Variants in ADAMTS2 observed in about 807,000 individuals in gnomAD.
ADAMTS2 encodes ADAM metallopeptidase with thrombospondin type 1 motif 2.
In ADAMTS2, 50 loss-of-function variants were observed where a neutral mutation model predicts 123.0. The ratio of observed to expected loss-of-function variants is 0.41; its 90% CI spans 0.32 to 0.51. The LOEUF is 0.51. ADAMTS2 is among the 20% of genes least tolerant of loss of function. ADAMTS2 has a pLI of 0.35. For missense variants in ADAMTS2, 1,494 were observed against 1,705.2 expected, an observed-to-expected ratio of 0.88 and a Z score of 2.18; for synonymous variants, 678 against 695.4, an observed-to-expected ratio of 0.98 and a Z score of 0.39.
chr5:179,269,596 A>G (rs1766472809), intron 3 of ADAMTS2, among the ~76,000 whole-genome samples: 1 of 152,156 alleles, frequency 6.6e-6, no homozygotes, highest in African/African-American at 2.4e-5. Context: ...CTCCCATAAC[A>G]CATGGGAATT....
chr5:179,335,213 TAA>T (rs59150133), intron 2 of ADAMTS2, among the ~76,000 whole-genome samples: 26 of 149,904 alleles, frequency 1.7e-4, no homozygotes, highest in African/African-American at 5.4e-4. Flanking sequence ...GCCATGTTTT[TAA>T]AAAAAAAAGA....
chr5:179,306,779 C>T (rs187012971), intron 2 of ADAMTS2, among the ~76,000 whole-genome samples: 2 of 152,256 alleles, frequency 1.3e-5, no homozygotes, highest in South Asian at 2.1e-4. Context: ...GTGCCAAGCC[C>T]GGTGCCAGCA....
At chr5:179,135,669 G>A (rs955227014) in intron 13 of ADAMTS2, among the ~76,000 whole-genome samples, 1 of 152,134 alleles carries the variant, frequency 6.6e-6, no homozygotes, top group Non-Finnish European at 1.5e-5. Context: ...GAATCAGGAC[G>A]TCTGAGGTGG....
At chr5:179,296,057 G>A (rs1390636523) in intron 2 of ADAMTS2, among the ~76,000 whole-genome samples, 2 of 152,206 alleles carry the variant, frequency 1.3e-5, no homozygotes, top group Non-Finnish European at 2.9e-5. Flanking sequence ...AGAGCCCAGG[G>A]GAAGAGCAAA....
intron 3 of ADAMTS2, among the ~76,000 whole-genome samples, chr5:179,231,454 G>A (rs1331157687): frequency 2.0e-5 from 3 of 152,184 alleles, no homozygotes; most frequent in South Asian, 2.1e-4. Flanking sequence ...GAAGGAAACC[G>A]TGGGAGAAGA....
At chr5:179,222,986 T>C (rs1765159701) in intron 3 of ADAMTS2, among the ~76,000 whole-genome samples, 1 of 152,188 alleles carries the variant, frequency 6.6e-6, no homozygotes, top group Non-Finnish European at 1.5e-5. Context: ...ACTTTCCTCC[T>C]GTTTGCAACA....
chr5:179,272,919 A>C lies in ADAMTS2; in HGVS notation c.680T>G (p.Leu227Arg), dbSNP rs1348732145. The change falls in exon 3 of 22, where the codon CTG becomes CGG. Residue 227 changes from leucine to arginine, a missense_variant. Physicochemically the swap from Leu to Arg is moderately radical, Grantham distance 102. Coordinates refer to ENST00000251582, the MANE Select transcript of ADAMTS2 (RefSeq NM_014244.5). The surrounding 1 kb of genome is among the most constrained non-coding windows in gnomAD (Gnocchi z 5.8). The part of the protein sequence containing the change: ...TSPPLGGPQA[L>R]DTGASLDSLD... ...ACCTGCAGTAGCCTCACCTGTGTCC[A>C]GGGCCTGTGGCCCCCCGAGAGGAGG... is the stretch of plus-strand genomic sequence containing the variant. The C allele has an allele frequency of 2.5e-6, 4 of 1,609,622 alleles. No individual in the cohort carries two copies. In the African/African-American group the frequency reaches 5.3e-5, roughly 21 times the overall value.
In ADAMTS2 at chr5:179,202,496, T is replaced by C. The variant is rs191689437; in HGVS notation, c.891+5017A>G. Among the ~76,000 whole-genome samples the C allele has an allele frequency of 2.6e-5, 4 of 152,276 alleles. No individual in the cohort carries two copies. Among genetic ancestry groups the C allele is most frequent in the Admixed American group, 1.3e-4 (2 of 15,294 alleles). On this transcript the variant is annotated intron_variant, in intron 4 of 21. Transcript: ENST00000251582. The surrounding 1 kb of genome is among the most constrained non-coding windows in gnomAD (Gnocchi z 4.0). Reference sequence around the variant, plus strand: ...TTGTCATTATTTGAAATGATCCTGTTTGTTTTTCACTTCAGTATCGTCTGT... The same window carrying C: ...TTGTCATTATTTGAAATGATCCTGTCTGTTTTTCACTTCAGTATCGTCTGT...
intron 3 of ADAMTS2, among the ~76,000 whole-genome samples, chr5:179,213,965 T>G (rs1237826711): frequency 6.6e-6 from 1 of 152,212 alleles, no homozygotes; most frequent in Non-Finnish European, 1.5e-5. Flanking sequence ...CTATTTGAAT[T>G]AATAGGAAAA....
intron 2 of ADAMTS2, among the ~76,000 whole-genome samples, chr5:179,329,433 A>G (rs547697946): frequency 2.0e-5 from 3 of 152,316 alleles, no homozygotes; most frequent in African/African-American, 7.2e-5. Flanking sequence ...GTCAAGAAGA[A>G]AGAGTGAATT....
rs559747126 is a variant in ADAMTS2, at chr5:179,333,023, G to A, written c.534+10744C>T. ...CTGTGAGGACCCCTCCCTACTGTGT[G>A]GCCTTGGGGATAGCCATGCGACGGC... On this transcript the variant is annotated intron_variant, in intron 2 of 21. Coordinates refer to ENST00000251582, the MANE Select transcript of ADAMTS2 (RefSeq NM_014244.5). Among the ~76,000 whole-genome samples, 4 of 152,284 alleles carry A rather than the reference G, an allele frequency of 2.6e-5. No homozygotes were observed. In the Middle Eastern group the frequency reaches 0.014, roughly 518 times the overall value.
intron 4 of ADAMTS2, among the ~76,000 whole-genome samples, chr5:179,182,571 G>T (rs537264419): frequency 1.5e-4 from 23 of 152,290 alleles, no homozygotes; most frequent in Non-Finnish European, 2.9e-4. Flanking sequence ...CCCGAGGCCC[G>T]CTGGCATCGG....
intron 2 of ADAMTS2, among the ~76,000 whole-genome samples, chr5:179,276,331 G>C (rs1766694836): frequency 1.3e-5 from 2 of 152,196 alleles, no homozygotes; most frequent in South Asian, 2.1e-4. Flanking sequence ...GAAGGCTGGT[G>C]CCTCAAATCC....
intron 2 of ADAMTS2, among the ~76,000 whole-genome samples, chr5:179,304,273 A>G (rs1459147480): frequency 6.6e-6 from 1 of 152,210 alleles, no homozygotes; most frequent in Admixed American, 6.5e-5. Context: ...CTCATAGGGT[A>G]ATATCAAAGT....
intron 3 of ADAMTS2, among the ~76,000 whole-genome samples, chr5:179,229,373 A>AGGTCAGTGGCATCCAGCCTTCC (rs1765357799): frequency 2.4e-5 from 1 of 42,240 alleles, no homozygotes; most frequent in African/African-American, 1.2e-4. Flanking sequence ...AGGTAATTCC[A>AGGTCAGTGGCATCCAGCCTTCC]CAAACACGAG....
intron 2 of ADAMTS2, among the ~76,000 whole-genome samples, chr5:179,278,248 G>A (rs573358437): frequency 2.0e-5 from 3 of 149,390 alleles, no homozygotes; most frequent in East Asian, 2.0e-4. Flanking sequence ...TGCTCGGGGC[G>A]GGGGGCACTT....
intron 4 of ADAMTS2, among the ~76,000 whole-genome samples, chr5:179,206,288 C>T (rs1764692066): frequency 6.6e-6 from 1 of 152,170 alleles, no homozygotes; most frequent in Non-Finnish European, 1.5e-5. Context: ...TCCCCTCCTG[C>T]CCCTGAGGTA....
rs1353929215 is a variant in ADAMTS2, at chr5:179,308,249, T to G, written c.535-35185A>C. On this transcript the variant is annotated intron_variant, in intron 2 of 21. Coordinates refer to ENST00000251582, the MANE Select transcript of ADAMTS2 (RefSeq NM_014244.5). This position sits in a 1 kb window ranked among gnomAD's most constrained non-coding sequence, Gnocchi z 6.6. Reference sequence around the variant, plus strand: ...GAGGTGGGAAGACAGGCGCTGAGAGTTGTCTGACACAATTGTCTTAGCAGC... The same window carrying G: ...GAGGTGGGAAGACAGGCGCTGAGAGGTGTCTGACACAATTGTCTTAGCAGC... Among the ~76,000 whole-genome samples the G allele has an allele frequency of 6.6e-6, 1 of 151,750 alleles. No homozygotes were observed. Among genetic ancestry groups the G allele is most frequent in the Non-Finnish European group, 1.5e-5 (1 of 67,934 alleles).
chr5:179,267,669 T>A (rs1766410672), intron 3 of ADAMTS2, among the ~76,000 whole-genome samples: 1 of 152,150 alleles, frequency 6.6e-6, no homozygotes, highest in Non-Finnish European at 1.5e-5. Flanking sequence ...GGGTAGCCAA[T>A]GGGGGACCGT....
Sources: allele counts gnomAD v4.1 joint callset (sites outside exome capture counted in the v4.1 genomes callset), GRCh38; gene constraint gnomAD v4.1.1; non-coding constraint Gnocchi (gnomAD v3.1); transcripts MANE v1.5; gene names NCBI Gene and HGNC (gene_info 2026-07-23, HGNC 2026-07-21).